Variants in STARD13 observed in about 807,000 individuals in gnomAD.
STARD13 encodes the protein StAR related lipid transfer domain containing 13.
A neutral mutation model predicts 106.4 loss-of-function variants in STARD13; 62 were observed. The ratio of observed to expected loss-of-function variants is 0.58; its 90% confidence interval spans 0.48 to 0.72. The LOEUF (loss-of-function observed/expected upper bound fraction) is 0.72, where lower values mean the gene tolerates loss of function less well. STARD13 is among the 30% of genes least tolerant of loss of function. The pLI is 0.00. For missense variants in STARD13, 1,387 were observed against 1,424.0 expected (o/e 0.97, Z 0.42); for synonymous variants, 565 against 553.0 (o/e 1.02, Z -0.31).
chr13:33,636,946 G>A, the STARD13 span, among the ~76,000 whole-genome samples: 2 of 152,124 alleles, frequency 1.3e-5, no homozygotes, highest in Non-Finnish European at 2.9e-5. Context: ...TGTCAGTGGT[G>A]TTATCTTTTC....
chr13:33,489,438 T>C, the STARD13 span, among the ~76,000 whole-genome samples: 2 of 152,206 alleles, frequency 1.3e-5, no homozygotes, highest in African/African-American at 4.8e-5. Flanking sequence ...TTAGTTATAA[T>C]AAAAGCTAAG....
the STARD13 span, among the ~76,000 whole-genome samples, chr13:33,555,983 A>G: frequency 6.6e-6 from 1 of 152,230 alleles, no homozygotes; most frequent in Non-Finnish European, 1.5e-5. Flanking sequence ...TGACAGAGCC[A>G]TGGCTGTGGA....
chr13:33,542,677 C>T, the STARD13 span, among the ~76,000 whole-genome samples: 2 of 152,364 alleles, frequency 1.3e-5, no homozygotes, highest in East Asian at 3.9e-4. Flanking sequence ...TCTGGCCCCG[C>T]CCTCACGCGG....
the STARD13 span, among the ~76,000 whole-genome samples, chr13:33,359,975 T>C: frequency 6.6e-6 from 1 of 152,126 alleles, no homozygotes; most frequent in Non-Finnish European, 1.5e-5. Flanking sequence ...CTGAGTGCAT[T>C]TTAAGGGAAT....
At chr13:33,469,671 C>A in the STARD13 span, among the ~76,000 whole-genome samples, 1 of 152,056 alleles carries the variant, frequency 6.6e-6, no homozygotes, top group South Asian at 2.1e-4. Context: ...CATAAAAATT[C>A]TGTGAAATGG....
In STARD13 at chr13:33,126,131, G is replaced by C. The variant is rs781136844; in HGVS notation, c.2032C>G (p.Gln678Glu). The change falls in exon 7 of 14, where the codon CAA becomes GAA. Residue 678 changes from glutamine to glutamate, a missense_variant. Gln to Glu is a conservative substitution (Grantham distance 29). Transcript: ENST00000336934. The part of the protein sequence containing the change: ...HVQRTGQPLP[Q>E]SIQQALRYLR... ...TATCTCAGTGCTTGCTGAATACTTTGAGGCAGGGGCTGTCCCGTTCTTTGG... is the reference window on the plus strand; with the variant it reads ...TATCTCAGTGCTTGCTGAATACTTTCAGGCAGGGGCTGTCCCGTTCTTTGG... 2 of 1,614,190 alleles carry C rather than the reference G, an allele frequency of 1.2e-6. No homozygotes were observed. Among genetic ancestry groups the C allele is most frequent in the South Asian group, 1.1e-5 (1 of 91,086 alleles).
chr13:33,450,734 T>C, the STARD13 span, among the ~76,000 whole-genome samples: 2 of 152,160 alleles, frequency 1.3e-5, no homozygotes, highest in African/African-American at 2.4e-5. Context: ...TTACAGATAG[T>C]AATATTTAAG....
chr13:33,106,735 C>T (rs750201714), intron 13 of STARD13, 23 bp downstream of exon 13: 4 of 1,578,868 alleles, frequency 2.5e-6, no homozygotes, highest in Non-Finnish European at 3.5e-6. Flanking sequence ...TCTGAGCCTG[C>T]CATTAAGGGA....
the STARD13 span, among the ~76,000 whole-genome samples, chr13:33,436,079 G>A: frequency 6.6e-6 from 1 of 152,190 alleles, no homozygotes; most frequent in African/African-American, 2.4e-5. Flanking sequence ...ATGAAGCTGA[G>A]AAGGTGGGAA....
Position 33,129,578 on chromosome 13 carries a change from G to C in STARD13, c.1099C>G (p.Leu367Val). The C allele has an allele frequency of 6.2e-7, 1 of 1,614,076 alleles. No homozygotes were observed. Among genetic ancestry groups the C allele is most frequent in the Non-Finnish European group, 8.5e-7 (1 of 1,180,026 alleles). The change falls in exon 5 of 14, where the codon CTA becomes GTA. Residue 367 changes from leucine to valine, a missense_variant. By Grantham distance (32) the Leu-to-Val change is conservative (BLOSUM62 1). Coordinates refer to ENST00000336934, the MANE Select transcript of STARD13 (RefSeq NM_178006.4). ...AGTGCTGTCCCCGCCAGCACATCTA[G>C]GTCCTCCAAGTACATGCCCCCGCGC... ...NKRGGMYLED[L>V]DVLAGTALPD...
intron 1 of STARD13, among the ~76,000 whole-genome samples, chr13:33,302,663 T>G (rs1892765406): frequency 6.6e-6 from 1 of 152,198 alleles, no homozygotes. Context: ...CACCTCGGCC[T>G]CCCAAAATGT....
chr13:33,138,956 T>C (rs944541219), intron 4 of STARD13: 8 of 407,838 alleles, frequency 2.0e-5, no homozygotes, highest in Non-Finnish European at 3.5e-5. Flanking sequence ...ATAAGAAAGG[T>C]GTATGGCTAA....
the STARD13 span, among the ~76,000 whole-genome samples, chr13:33,401,708 CAAT>C: frequency 1.3e-5 from 2 of 152,194 alleles, no homozygotes; most frequent in South Asian, 4.1e-4. Flanking sequence ...ACATTTTCCC[CAAT>C]AAAATCCTTG....
the STARD13 span, among the ~76,000 whole-genome samples, chr13:33,414,835 T>C: frequency 6.6e-6 from 1 of 151,784 alleles, no homozygotes; most frequent in African/African-American, 2.4e-5. Context: ...TCAATATTAT[T>C]AATCCTGTCA....
chr13:33,121,502 A>G (rs1360908625), intron 7 of STARD13, among the ~76,000 whole-genome samples: 2 of 150,424 alleles, frequency 1.3e-5, no homozygotes, highest in Non-Finnish European at 3.0e-5. Context: ...TGGGAGGCAG[A>G]GGTTGCAGTG....
chr13:33,116,820 G>A (rs897532717), intron 8 of STARD13, among the ~76,000 whole-genome samples: 1 of 152,102 alleles, frequency 6.6e-6, no homozygotes, highest in Non-Finnish European at 1.5e-5. Flanking sequence ...TTACTTAGTG[G>A]GTTGCCACCT....
intron 13 of STARD13, among the ~76,000 whole-genome samples, chr13:33,106,266 C>T (rs558057645): frequency 6.6e-6 from 1 of 152,228 alleles, no homozygotes; most frequent in Admixed American, 6.5e-5. Flanking sequence ...CAAAAACATA[C>T]AAAAATTAGC....
At chr13:33,259,816 G>A (rs558666226) in intron 1 of STARD13, among the ~76,000 whole-genome samples, 48 of 152,060 alleles carry the variant, frequency 3.2e-4, no homozygotes, top group Middle Eastern at 6.8e-3. Flanking sequence ...TGGTTTGGCT[G>A]TATCCCTACC....
intron 1 of STARD13, among the ~76,000 whole-genome samples, chr13:33,266,554 T>G (rs899754788): frequency 6.6e-6 from 1 of 152,206 alleles, no homozygotes; most frequent in African/African-American, 2.4e-5. Context: ...GTCACTGAAT[T>G]TGGACTACAT....
Sources: allele counts gnomAD v4.1 joint callset (sites outside exome capture counted in the v4.1 genomes callset), GRCh38; gene constraint gnomAD v4.1.1; transcripts MANE v1.5; gene names NCBI Gene and HGNC (gene_info 2026-07-23, HGNC 2026-07-21).